Variants in ALK observed in about 807,000 individuals in gnomAD.
ALK encodes ALK receptor tyrosine kinase, also known as ALK tyrosine kinase receptor.
ALK carries 74 observed loss-of-function variants against 163.1 expected under a neutral mutation model. That is an observed-to-expected ratio of 0.45 (90% CI 0.38 to 0.55). The LOEUF (loss-of-function observed/expected upper bound fraction) is 0.55. Among genes scored for constraint, ALK ranks in the 20% least tolerant of loss-of-function variants. ALK has a pLI of 0.00. For synonymous variants in ALK, 960 were observed against 843.2 expected, an observed-to-expected ratio of 1.14 and a Z score of -2.40; for missense variants, 2,063 against 2,105.3, an observed-to-expected ratio of 0.98 and a Z score of 0.39.
chr2:29,735,424 T>A (rs79232623), intron 1 of ALK, among the ~76,000 whole-genome samples: 1 of 152,006 alleles, frequency 6.6e-6, no homozygotes, highest in East Asian at 1.9e-4. Context: ...AACTTAAATA[T>A]CTAGCAATAG....
At chr2:29,372,162 C>T (rs1668653776) in intron 5 of ALK, among the ~76,000 whole-genome samples, 1 of 152,202 alleles carries the variant, frequency 6.6e-6, no homozygotes, top group Non-Finnish European at 1.5e-5. Context: ...CCTGCAGGTG[C>T]AAACATCTAA....
At chr2:29,831,411 T>C (rs1665417249) in intron 1 of ALK, among the ~76,000 whole-genome samples, 2 of 151,880 alleles carry the variant, frequency 1.3e-5, no homozygotes, top group South Asian at 2.1e-4. Context: ...TATATTACAC[T>C]TTGAGAAGCA....
intron 1 of ALK, among the ~76,000 whole-genome samples, chr2:29,870,452 G>C (rs541135379): frequency 2.6e-5 from 4 of 152,268 alleles, no homozygotes; most frequent in African/African-American, 9.6e-5. Flanking sequence ...GGGGAAGTCA[G>C]CTCCATGATC....
chr2:29,525,398 G>A (rs2148152331), intron 4 of ALK, among the ~76,000 whole-genome samples: 1 of 152,294 alleles, frequency 6.6e-6, no homozygotes, highest in South Asian at 2.1e-4. Flanking sequence ...TTAGAGCCAT[G>A]ATTCTTAACT....
intron 1 of ALK, among the ~76,000 whole-genome samples, chr2:29,916,690 G>A (rs1038240535): frequency 8.5e-5 from 13 of 152,210 alleles, no homozygotes; most frequent in African/African-American, 3.1e-4. Context: ...CCACTTTCCT[G>A]GGTGGGGAGG....
At chr2:29,649,616 G>C (rs990320123) in intron 3 of ALK, among the ~76,000 whole-genome samples, 3 of 152,070 alleles carry the variant, frequency 2.0e-5, no homozygotes, top group African/African-American at 4.8e-5. Flanking sequence ...TCCTTAGTAG[G>C]GGGGCATTCA....
At chr2:29,322,725 T>TCGGGAGG (rs1438891791) in intron 6 of ALK, among the ~76,000 whole-genome samples, 3 of 152,118 alleles carry the variant, frequency 2.0e-5, no homozygotes, top group Admixed American at 6.5e-5. Flanking sequence ...TCTCAGCTAC[T>TCGGGAGG]CGGGAGGCTG....
intron 4 of ALK, among the ~76,000 whole-genome samples, chr2:29,497,367 G>T (rs1227649176): frequency 6.6e-6 from 1 of 152,064 alleles, no homozygotes; most frequent in Non-Finnish European, 1.5e-5. Flanking sequence ...CCACTCCCTT[G>T]GTTGGCAATA....
intron 1 of ALK, among the ~76,000 whole-genome samples, chr2:29,895,704 G>T (rs1185821741): frequency 2.0e-5 from 3 of 152,192 alleles, no homozygotes; most frequent in Non-Finnish European, 4.4e-5. Context: ...TAGTTCAGGA[G>T]ATCCCTAGCC....
rs1427315387 is a variant in ALK, at chr2:29,787,609, C to T, written c.668-69912G>A. On this transcript the variant is annotated intron_variant, in intron 1 of 28. Coordinates refer to ENST00000389048, the MANE Select transcript of ALK (RefSeq NM_004304.5). The stretch of plus-strand genomic sequence containing the variant: ...GGCTTTACAAGGGAGCTGATACATT[C>T]GTGGGTCAGATTTTAGAAAATGAGT... Among the ~76,000 whole-genome samples the T allele has an allele frequency of 3.9e-5, 6 of 152,008 alleles. No homozygotes were observed. The East Asian group carries it at 5.8e-4, about 15-fold the overall frequency.
intron 3 of ALK, among the ~76,000 whole-genome samples, chr2:29,543,624 T>C (rs914315407): frequency 3.3e-5 from 5 of 152,240 alleles, no homozygotes; most frequent in Admixed American, 6.5e-5. Context: ...GGGTTAACCA[T>C]AGAGAAATTT....
intron 1 of ALK, among the ~76,000 whole-genome samples, chr2:29,807,782 G>T (rs1664658434): frequency 6.6e-6 from 1 of 152,230 alleles, no homozygotes; most frequent in Admixed American, 6.5e-5. Context: ...CCATACTATT[G>T]TTGTTATGGC....
chr2:29,197,683 A>G lies in ALK; in HGVS notation c.3939-7T>C. On this transcript the variant is annotated splice_region_variant and splice_polypyrimidine_tract_variant and intron_variant, in intron 26 of 28. Coordinates refer to ENST00000389048, the MANE Select transcript of ALK (RefSeq NM_004304.5). The stretch of plus-strand genomic sequence containing the variant: ...TAGCAGCACTCCAAAGGACCTGGGC[A>G]TGGGACAGAGGACATGGAGATGGAT... The G allele has an allele frequency of 6.2e-7, 1 of 1,613,242 alleles. No homozygotes were observed. Among genetic ancestry groups the G allele is most frequent in the Non-Finnish European group, 8.5e-7 (1 of 1,179,416 alleles).
intron 26 of ALK, among the ~76,000 whole-genome samples, chr2:29,203,344 T>G (rs1157569167): frequency 6.6e-6 from 1 of 152,072 alleles, no homozygotes; most frequent in Non-Finnish European, 1.5e-5. Context: ...ATTGTCTTCT[T>G]ATGTTTCCTG....
intron 9 of ALK, among the ~76,000 whole-genome samples, chr2:29,279,713 C>T (rs1198403513): frequency 6.6e-6 from 1 of 152,230 alleles, no homozygotes; most frequent in East Asian, 1.9e-4. Context: ...TGTCTCCTTG[C>T]TGGAGATGGG....
chr2:29,750,312 A>G (rs1680321982), intron 1 of ALK, among the ~76,000 whole-genome samples: 1 of 152,178 alleles, frequency 6.6e-6, no homozygotes, highest in Admixed American at 6.5e-5. Context: ...TACTGTACTG[A>G]ATACTGTAGA....
At chr2:29,332,025 A>T (rs912508429) in intron 5 of ALK, among the ~76,000 whole-genome samples, 2 of 151,962 alleles carry the variant, frequency 1.3e-5, no homozygotes, top group African/African-American at 2.4e-5. Flanking sequence ...GGTAGCTCAC[A>T]CCTGTAATCC....
chr2:29,547,753 A>G (rs1396578127), intron 3 of ALK, among the ~76,000 whole-genome samples: 4 of 152,182 alleles, frequency 2.6e-5, no homozygotes, highest in African/African-American at 4.8e-5. Context: ...TTTAAAAAAA[A>G]GACTTGATTT....
At chr2:29,424,863 A>T (rs1670097507) in intron 4 of ALK, among the ~76,000 whole-genome samples, 1 of 152,184 alleles carries the variant, frequency 6.6e-6, no homozygotes. Flanking sequence ...CACCAGTGGA[A>T]TGGTGATAAT....
Sources: gnomAD v4.1 joint callset for allele counts (sites outside exome capture counted in the v4.1 genomes callset) on GRCh38, gnomAD v4.1.1 for gene constraint, MANE v1.5 for transcripts, NCBI Gene and HGNC (gene_info 2026-07-23, HGNC 2026-07-21) for gene names.